The following HCN4 variants were observed in gnomAD, a reference collection of about 807,000 sequenced individuals.
HCN4 encodes the protein potassium/sodium hyperpolarization-activated cyclic nucleotide-gated channel 4.
In HCN4, 29 loss-of-function variants were observed where a neutral mutation model predicts 76.9. That is an observed-to-expected ratio of 0.38 (90% CI 0.28 to 0.51). The LOEUF is 0.51. Ranked by LOEUF, HCN4 falls within the 20% of genes least tolerant of loss-of-function variation. The pLI is 0.90. For missense variants in HCN4, 1,416 were observed against 1,715.2 expected (o/e 0.83, Z 3.08); for synonymous variants, 772 against 762.5 (o/e 1.01, Z -0.21).
In HCN4 at chr15:73,322,797, T is replaced by G; in HGVS notation, c.3296A>C (p.Gln1099Pro). ...SQPALPQDGA[Q>P]TLRRASPHSS... ...GTGCGGGGAGGCTCTGCGGAGAGTC[T>G]GCGCCCCGTCCTGAGGCAGGGCTGG... Residue 1099 changes from glutamine to proline, a missense_variant, in exon 8 of 8, where the codon CAG (glutamine) becomes CCG (proline). By Grantham distance (76) the Gln-to-Pro change is moderately conservative (BLOSUM62 -1). This residue lies in a region of HCN4 where 633 missense variants were observed against 579.8 expected (regional missense o/e 1.09). Transcript: ENST00000261917. The G allele has an allele frequency of 6.5e-7, 1 of 1,545,778 alleles. No individual in the cohort carries two copies. Among genetic ancestry groups the G allele is most frequent in the Non-Finnish European group, 8.7e-7 (1 of 1,145,466 alleles).
At position 73,367,959 on chromosome 15, in the gene HCN4, GC is replaced by G; in HGVS notation, c.311del (p.Gly104AlafsTer128). The stretch of plus-strand genomic sequence containing the variant: ...TGCCGCCGCTGCCGCCGCCCCGGCT[GC>G]CCAGCGAGGCCAGGCTCCCGCGGAA... ...RRFRGSLASL[G>X]SRGGGSGGTG... On this transcript the variant is annotated frameshift_variant, in exon 1 of 8. Coordinates refer to ENST00000261917, the MANE Select transcript of HCN4 (RefSeq NM_005477.3). LOFTEE classifies it high-confidence loss of function. This position sits in a 1 kb window ranked among gnomAD's most constrained non-coding sequence, Gnocchi z 7.5. 7.4e-7 allele frequency: 1 copy of G among 1,348,352 alleles called. No homozygotes were observed. The allele number at this position is 1,348,352 out of a possible 1,614,324, so 83.5% of individuals were successfully genotyped here.
rs1052381098 is a variant in HCN4, at chr15:73,332,753, C to T, written c.1210-461G>A. On this transcript the variant is annotated intron_variant, in intron 2 of 7. Coordinates refer to ENST00000261917, the MANE Select transcript of HCN4 (RefSeq NM_005477.3). ...TATCACTAAATTCTCAAGACTCACA[C>T]ACGGTAGCCACGGAACTGCAGAGGA... is the stretch of plus-strand genomic sequence containing the variant. Among the ~76,000 whole-genome samples, 6 of 152,316 alleles carry T rather than the reference C, an allele frequency of 3.9e-5. 1 individual carries two copies. The highest frequency in any genetic ancestry group is 4.2e-4 in the South Asian group (2 of 4,818).
In HCN4 at chr15:73,322,528, C is replaced by A. The variant is rs1186212817; in HGVS notation, c.3565G>T (p.Gly1189Trp). 6.2e-7 allele frequency: 1 copy of A among 1,604,688 alleles called. No homozygotes were observed. The highest frequency in any genetic ancestry group is 8.5e-7 in the Non-Finnish European group (1 of 1,175,844). Residue 1189 changes from glycine to tryptophan, a missense_variant, in exon 8 of 8, where the codon GGG (glycine) becomes TGG (tryptophan). Physicochemically the swap from Gly to Trp is radical, Grantham distance 184 (BLOSUM62 -2). Around this residue, in one of 6 missense-constraint regions of HCN4, gnomAD observed 633 missense variants for 579.8 expected, o/e 1.09. Coordinates refer to ENST00000261917, the MANE Select transcript of HCN4 (RefSeq NM_005477.3). ...PLTAGPQREP[G>W]ARPEPVRSKL... ...GAGCGCACTGGCTCAGGCCTGGCCC[C>A]AGGTTCCCTCTGGGGTCCAGCAGTC...
At position 73,323,438 on chromosome 15, in the gene HCN4, C is replaced by A. The variant is rs751402259; in HGVS notation, c.2655G>T (p.Gly885=). The A allele has an allele frequency of 1.2e-6, 2 of 1,609,410 alleles. No individual in the cohort carries two copies. Among genetic ancestry groups the A allele is most frequent in the Non-Finnish European group, 8.5e-7 (1 of 1,178,998 alleles). Residue 885 remains glycine (G), a synonymous_variant, in exon 8 of 8, where the codon GGG becomes GGT. Transcript: ENST00000261917. ...TGGGAGCCGAGGGGGAGCCACAGGC[C>A]CCGGGGGGTGGGGAGGAGCTGGATG... The part of the protein sequence containing the change: ...LPSSSSSPPP[G]ACGSPSAPTP...
At chr15:73,344,332 G>A (rs1228190008) in intron 1 of HCN4, among the ~76,000 whole-genome samples, 1 of 152,172 alleles carries the variant, frequency 6.6e-6, no homozygotes, top group Non-Finnish European at 1.5e-5. Context: ...TCCGGCCCCA[G>A]CTTTGTCATC....
chr15:73,350,231 A>C (rs540110852), intron 1 of HCN4, among the ~76,000 whole-genome samples: 1 of 152,268 alleles, frequency 6.6e-6, no homozygotes, highest in South Asian at 2.1e-4. Context: ...ACGATGGTCC[A>C]GCTCATTCGC....
At chr15:73,326,944 G>A (rs137954436) in intron 4 of HCN4, among the ~76,000 whole-genome samples, 113 of 151,400 alleles carry the variant, frequency 7.5e-4, no homozygotes, top group African/African-American at 2.7e-3. Context: ...ATGCCACCAC[G>A]CCTGGCTAAT....
At chr15:73,324,038 C>A in intron 7 of HCN4, 51 bp downstream of exon 7, 4 of 1,607,526 alleles carry the variant, frequency 2.5e-6, no homozygotes, top group Non-Finnish European at 3.4e-6. Context: ...GAGCCCTGCC[C>A]TCCTCCCCCA....
rs187405910 is a variant in HCN4 at position 73,365,561 on chromosome 15, T to C, written c.785+1925A>G. 3.9e-5 allele frequency among the ~76,000 whole-genome samples: 6 copies of C among 152,248 alleles called. No individual in the cohort carries two copies. In the East Asian group the frequency reaches 7.7e-4, roughly 20 times the overall value. On this transcript the variant is annotated intron_variant, in intron 1 of 7. Coordinates refer to ENST00000261917, the MANE Select transcript of HCN4 (RefSeq NM_005477.3). ...GGGACTGCAGACAGACATACCAGAA[T>C]GGGGTAAGACCAGGAAGGGGAAAAG...
chr15:73,333,729 G>A (rs1316928648), intron 2 of HCN4, among the ~76,000 whole-genome samples: 1 of 152,184 alleles, frequency 6.6e-6, no homozygotes, highest in Non-Finnish European at 1.5e-5. Flanking sequence ...CTGTGGCCCT[G>A]GTGACAGAGG....
At position 73,368,099 on chromosome 15, in the gene HCN4, G is replaced by C; in HGVS notation, c.172C>G (p.Pro58Ala). ...IRLRPLPSPS[P>A]SAAAGGTESR... ...TCCGTGCCACCCGCGGCCGCCGAGGGGGAGGGCGAGGGCAGTGGCCGCAGC... is the reference window on the plus strand; with the variant it reads ...TCCGTGCCACCCGCGGCCGCCGAGGCGGAGGGCGAGGGCAGTGGCCGCAGC... Residue 58 changes from proline to alanine, a missense_variant, in exon 1 of 8, where the codon CCC becomes GCC. Pro to Ala is a conservative substitution (Grantham distance 27). Transcript: ENST00000261917. The surrounding 1 kb of genome is among the most constrained non-coding windows in gnomAD (Gnocchi z 6.9). The C allele has an allele frequency of 6.7e-7, 1 of 1,497,890 alleles. No individual in the cohort carries two copies. The highest frequency in any genetic ancestry group is 8.9e-7 in the Non-Finnish European group (1 of 1,127,996). The allele number at this position is 1,497,890 out of a possible 1,614,324, so 92.8% of individuals were successfully genotyped here.
chr15:73,334,632 C>A (rs1184262832), intron 2 of HCN4, among the ~76,000 whole-genome samples: 1 of 151,946 alleles, frequency 6.6e-6, no homozygotes, highest in African/African-American at 2.4e-5. Context: ...TGACACAGCA[C>A]CATTCACGGT....
intron 1 of HCN4, among the ~76,000 whole-genome samples, chr15:73,359,468 C>T (rs561533800): frequency 4.6e-5 from 7 of 152,218 alleles, no homozygotes; most frequent in Admixed American, 2.0e-4. Flanking sequence ...GGCTCAGATA[C>T]TAAGAGGTGT....
At chr15:73,364,148 CA>C (rs1342752069) in intron 1 of HCN4, among the ~76,000 whole-genome samples, 3 of 152,120 alleles carry the variant, frequency 2.0e-5, no homozygotes, top group Non-Finnish European at 4.4e-5. Context: ...AGGGTAGGGA[CA>C]GGGGGATGAG....
intron 1 of HCN4, among the ~76,000 whole-genome samples, chr15:73,350,056 A>G (rs1265333627): frequency 6.6e-6 from 1 of 152,156 alleles, no homozygotes; most frequent in Non-Finnish European, 1.5e-5. Context: ...CCGGTGCTGC[A>G]TCTCTGCAGT....
At chr15:73,329,336 C>T (rs1193202943) in intron 4 of HCN4, among the ~76,000 whole-genome samples, 1 of 152,204 alleles carries the variant, frequency 6.6e-6, no homozygotes, top group Non-Finnish European at 1.5e-5. Flanking sequence ...CCCAGTGACA[C>T]TGGAGACGGG....
At chr15:73,359,330 G>A (rs959001615) in intron 1 of HCN4, among the ~76,000 whole-genome samples, 2 of 152,196 alleles carry the variant, frequency 1.3e-5, no homozygotes, top group Non-Finnish European at 2.9e-5. Flanking sequence ...AGCCCCAAAC[G>A]ATGAAGAGAG....
intron 2 of HCN4, 73 bp from the exon 3 acceptor site, chr15:73,332,365 C>G: frequency 6.8e-7 from 1 of 1,469,836 alleles, no homozygotes. Flanking sequence ...TTTCCCTGCC[C>G]TGGAGCTGCT....
Position 73,360,713 on chromosome 15 carries a change from A to C in HCN4, c.785+6773T>G, listed in dbSNP as rs927170190. 4.6e-5 allele frequency among the ~76,000 whole-genome samples: 7 copies of C among 152,270 alleles called. No homozygotes were observed. In the East Asian group the frequency reaches 1.4e-3, roughly 29 times the overall value. On this transcript the variant is annotated intron_variant, in intron 1 of 7. Coordinates refer to ENST00000261917, the MANE Select transcript of HCN4 (RefSeq NM_005477.3). ...TATTTGGAGGCCATCGTGAAGAATA[A>C]ATGAAATGGGAGATATAGAGCTCCT...
Sources: allele counts gnomAD v4.1 joint callset (sites outside exome capture counted in the v4.1 genomes callset), GRCh38; gene constraint gnomAD v4.1.1; regional missense constraint gnomAD v4.1.1; non-coding constraint Gnocchi (gnomAD v3.1); transcripts MANE v1.5; gene names NCBI Gene and HGNC (gene_info 2026-07-23, HGNC 2026-07-21).